The following ZNF423 variants were observed in gnomAD, a reference collection of about 807,000 sequenced individuals.
The protein encoded by ZNF423 is zinc finger protein 423, also known as Ebf-associated zinc finger protein.
Under a neutral mutation model 95.8 loss-of-function variants are expected in ZNF423, and 12 were observed. The observed-to-expected ratio is 0.13, with a 90% CI of 0.08 to 0.20. ZNF423 has a LOEUF of 0.20. Ranked by LOEUF, ZNF423 falls within the 10% of genes least tolerant of loss-of-function variation. The pLI is 1.00. For synonymous variants in ZNF423, 749 were observed against 711.9 expected (o/e 1.05, Z -0.83); for missense variants, 1,316 against 1,737.1 (o/e 0.76, Z 4.31).
At chr16:49,660,172 C>A (rs1334502947) in intron 3 of ZNF423, among the ~76,000 whole-genome samples, 1 of 152,126 alleles carries the variant, frequency 6.6e-6, no homozygotes, top group Admixed American at 6.5e-5. Flanking sequence ...CCTGGGAGCC[C>A]CCACAAGGTG....
chr16:49,856,991 G>T (rs1484889676), upstream of ZNF423, among the ~76,000 whole-genome samples: 2 of 147,606 alleles, frequency 1.4e-5, no homozygotes, highest in East Asian at 4.0e-4. Flanking sequence ...GCTCCTCCGC[G>T]CTCCAGCCGG....
At chr16:49,832,358 T>A (rs1042880593) in intron 1 of ZNF423, among the ~76,000 whole-genome samples, 35 of 152,300 alleles carry the variant, frequency 2.3e-4, no homozygotes, top group African/African-American at 7.9e-4. Flanking sequence ...CAGAGAGATC[T>A]GCTGAGGAAA....
At chr16:49,820,702 G>T (rs1270219401) in intron 1 of ZNF423, among the ~76,000 whole-genome samples, 1 of 152,184 alleles carries the variant, frequency 6.6e-6, no homozygotes, top group Non-Finnish European at 1.5e-5. Context: ...TTCCCTACAA[G>T]ATCCCAATTT....
intron 1 of ZNF423, among the ~76,000 whole-genome samples, chr16:49,833,818 G>T (rs977469922): frequency 4.6e-5 from 7 of 152,038 alleles, no homozygotes; most frequent in Non-Finnish European, 7.4e-5. Flanking sequence ...CATGTGCAGG[G>T]GGGCAGCAGG....
chr16:49,577,869 G>T (rs937018293), intron 5 of ZNF423, among the ~76,000 whole-genome samples: 3 of 152,208 alleles, frequency 2.0e-5, no homozygotes, highest in African/African-American at 4.8e-5. Flanking sequence ...CAGCGATAGA[G>T]ACCCGGCTCC....
chr16:49,793,622 G>C (rs1325402215), intron 1 of ZNF423, among the ~76,000 whole-genome samples: 1 of 152,142 alleles, frequency 6.6e-6, no homozygotes, highest in Non-Finnish European at 1.5e-5. Context: ...GGGTGGCCAG[G>C]GTGTGCCCAC....
intron 5 of ZNF423, among the ~76,000 whole-genome samples, chr16:49,537,661 A>G (rs983208095): frequency 1.3e-5 from 2 of 152,050 alleles, no homozygotes; most frequent in African/African-American, 4.8e-5. Flanking sequence ...AGGGCCCTCA[A>G]AAGGTCTTTT....
intron 5 of ZNF423, among the ~76,000 whole-genome samples, chr16:49,578,141 C>T (rs1162887585): frequency 6.6e-6 from 1 of 152,294 alleles, no homozygotes; most frequent in Admixed American, 6.5e-5. Flanking sequence ...ACAAATGGCA[C>T]CAGTCCCAGT....
At chr16:49,726,026 A>C (rs1596927649) in intron 3 of ZNF423, among the ~76,000 whole-genome samples, 1 of 152,222 alleles carries the variant, frequency 6.6e-6, no homozygotes, top group Non-Finnish European at 1.5e-5. Context: ...GCCATATATC[A>C]GGCCAGCAGC....
chr16:49,623,347 G>A (rs1300512842), intron 5 of ZNF423, among the ~76,000 whole-genome samples: 2 of 152,158 alleles, frequency 1.3e-5, no homozygotes, highest in African/African-American at 4.8e-5. Context: ...CCCTCCTTTT[G>A]TGTTTCCCAC....
At chr16:49,811,807 G>A (rs368260967) in intron 1 of ZNF423, among the ~76,000 whole-genome samples, 3 of 81,802 alleles carry the variant, frequency 3.7e-5, no homozygotes, top group African/African-American at 1.5e-4. Flanking sequence ...CTGACCGCCC[G>A]CCTCAGCCAC....
chr16:49,755,078 G>A (rs1356628745), intron 2 of ZNF423, among the ~76,000 whole-genome samples: 1 of 152,212 alleles, frequency 6.6e-6, no homozygotes, highest in Non-Finnish European at 1.5e-5. Context: ...AGGGGAGGGA[G>A]GTGTGAAAAG....
At chr16:49,739,869 T>C (rs1175321845) in intron 2 of ZNF423, among the ~76,000 whole-genome samples, 1 of 149,716 alleles carries the variant, frequency 6.7e-6, no homozygotes, top group African/African-American at 2.4e-5. Context: ...GGTAATTTTT[T>C]TTCCCCCAAG....
In ZNF423 at chr16:49,635,712, G is replaced by A. The variant is rs745450644; in HGVS notation, c.3464C>T (p.Thr1155Met). Residue 1155 changes from threonine (T) to methionine (M), a missense_variant, in exon 4 of 8, where the codon ACG (threonine) becomes ATG (methionine). By Grantham distance (81) the Thr-to-Met change is moderately conservative (BLOSUM62 -1). Transcript: ENST00000563137. The surrounding 1 kb of genome is among the most constrained non-coding windows in gnomAD (Gnocchi z 4.8). Reference protein sequence around the residue: ...SHMQVDHRDLTPETSGPRKGT... With the variant: ...SHMQVDHRDLMPETSGPRKGT... ...TTTCCGGGGCCCACTGGTCTCCGGC[G>A]TGAGGTCACGGTGGTCCACCTGCAT... 3.7e-6 allele frequency: 6 copies of A among 1,605,964 alleles called. No homozygotes were observed. Among genetic ancestry groups the A allele is most frequent in the African/African-American group, 2.7e-5 (2 of 74,468 alleles).
chr16:49,598,455 C>A (rs1319104947), intron 5 of ZNF423, among the ~76,000 whole-genome samples: 1 of 152,252 alleles, frequency 6.6e-6, no homozygotes, highest in Non-Finnish European at 1.5e-5. Context: ...GAGCATCATT[C>A]CTGGGGGCAG....
intron 2 of ZNF423, among the ~76,000 whole-genome samples, chr16:49,738,151 A>T (rs2033332962): frequency 6.6e-6 from 1 of 152,264 alleles, no homozygotes; most frequent in Admixed American, 6.5e-5. Context: ...ACGGTGTGCC[A>T]GGCATAACAC....
intron 1 of ZNF423, among the ~76,000 whole-genome samples, chr16:49,799,787 T>G (rs1016765009): frequency 3.9e-5 from 6 of 152,170 alleles, no homozygotes; most frequent in African/African-American, 9.6e-5. Flanking sequence ...CTTTGTTTTG[T>G]TTTGGTTTAT....
At chr16:49,700,941 G>A (rs917486837) in intron 3 of ZNF423, among the ~76,000 whole-genome samples, 4 of 152,306 alleles carry the variant, frequency 2.6e-5, no homozygotes, top group African/African-American at 9.6e-5. Flanking sequence ...GGAGGGCAGA[G>A]GAGGGAGGAG....
chr16:49,809,223 G>T (rs1038124245), intron 1 of ZNF423, among the ~76,000 whole-genome samples: 2 of 152,224 alleles, frequency 1.3e-5, no homozygotes, highest in Non-Finnish European at 2.9e-5. Flanking sequence ...AAACATAGCG[G>T]CCCACACATA....
Sources: gnomAD v4.1 joint callset for allele counts (sites outside exome capture counted in the v4.1 genomes callset) on GRCh38, gnomAD v4.1.1 for gene constraint, Gnocchi (gnomAD v3.1) non-coding constraint, MANE v1.5 for transcripts, NCBI Gene and HGNC (gene_info 2026-07-23, HGNC 2026-07-21) for gene names.